Variants in NRF1 observed in about 807,000 individuals in gnomAD.
NRF1 encodes nuclear respiratory factor 1, also known as alpha palindromic-binding protein.
Under a neutral mutation model 58.5 loss-of-function variants are expected in NRF1, and 5 were observed. The ratio of observed to expected loss-of-function variants is 0.09; its 90% confidence interval spans 0.04 to 0.18. The LOEUF (loss-of-function observed/expected upper bound fraction) is 0.18, where lower values mean the gene tolerates loss of function less well. NRF1 is among the 10% of genes least tolerant of loss of function. The pLI is 1.00. For synonymous variants in NRF1, 224 were observed against 246.7 expected, an observed-to-expected ratio of 0.91 and a Z score of 0.86; for missense variants, 288 against 657.7, an observed-to-expected ratio of 0.44 and a Z score of 6.15.
At chr7:129,714,813 A>T (rs3800599) in intron 8 of NRF1, among the ~76,000 whole-genome samples, 1 of 152,050 alleles carries the variant, frequency 6.6e-6, no homozygotes, top group Non-Finnish European at 1.5e-5. Flanking sequence ...TAACTAAAGC[A>T]GGAAGCATTT....
At chr7:129,711,440 A>G in intron 7 of NRF1, 35 bp from the exon 8 acceptor site, 1 of 1,523,068 alleles carries the variant, frequency 6.6e-7, no homozygotes, top group Non-Finnish European at 9.0e-7. Flanking sequence ...GGATCCATCC[A>G]CTGACACTTA....
chr7:129,692,469 T>G (rs932793820), intron 5 of NRF1, among the ~76,000 whole-genome samples: 11 of 151,996 alleles, frequency 7.2e-5, no homozygotes, highest in Non-Finnish European at 1.3e-4. Flanking sequence ...GGGAGGATCG[T>G]TTGAGCCCCA....
At chr7:129,679,700 G>A (rs1257712080) in intron 4 of NRF1, among the ~76,000 whole-genome samples, 1 of 151,598 alleles carries the variant, frequency 6.6e-6, no homozygotes, top group African/African-American at 2.4e-5. Flanking sequence ...TCCAGCCTGG[G>A]CAACAGATCA....
intron 5 of NRF1, among the ~76,000 whole-genome samples, chr7:129,702,421 A>T (rs867767474): frequency 3.3e-4 from 51 of 152,242 alleles, no homozygotes; most frequent in Non-Finnish European, 4.1e-4. Flanking sequence ...TGTGGTTTCT[A>T]TGGGAATGTG....
chr7:129,688,271 T>G (rs111599129), intron 4 of NRF1, among the ~76,000 whole-genome samples: 4 of 152,172 alleles, frequency 2.6e-5, no homozygotes, highest in African/African-American at 9.6e-5. Flanking sequence ...GGACCACAGG[T>G]GCGCACTACC....
chr7:129,682,177 T>TG (rs748896863), intron 4 of NRF1, among the ~76,000 whole-genome samples: 6 of 148,766 alleles, frequency 4.0e-5, no homozygotes, highest in East Asian at 2.1e-4. Flanking sequence ...AAACCCACCA[T>TG]GGGGGGGCAT....
intron 2 of NRF1, among the ~76,000 whole-genome samples, chr7:129,659,328 C>A (rs1428599910): frequency 6.6e-6 from 1 of 152,186 alleles, no homozygotes; most frequent in Admixed American, 6.5e-5. Flanking sequence ...ATCCACCCAT[C>A]TCGGCCTCCC....
chr7:129,629,020 T>C lies in NRF1; in HGVS notation c.-7+17196T>C, dbSNP rs140976440. 7.9e-5 allele frequency among the ~76,000 whole-genome samples: 12 copies of C among 152,358 alleles called. No individual in the cohort carries two copies. In the East Asian group the frequency reaches 9.6e-4, roughly 12 times the overall value. ...TTTAAGTAATGGAAAACTATTAGAC[T>C]CACTGTAGCAGATACAAGTTTTCCG... On this transcript the variant is annotated intron_variant, in intron 1 of 10. Coordinates refer to ENST00000393232, the MANE Select transcript of NRF1 (RefSeq NM_005011.5).
chr7:129,629,583 C>T (rs1266893338), intron 1 of NRF1, among the ~76,000 whole-genome samples: 5 of 152,284 alleles, frequency 3.3e-5, no homozygotes, highest in South Asian at 4.1e-4. Context: ...CCCGCACACA[C>T]GCTTTTTGAG....
chr7:129,702,840 T>C (rs1562976104), intron 5 of NRF1, among the ~76,000 whole-genome samples: 1 of 152,168 alleles, frequency 6.6e-6, no homozygotes, highest in Non-Finnish European at 1.5e-5. Flanking sequence ...TATGTTGGTC[T>C]GAAAGACCTT....
At chr7:129,701,302 A>G (rs75300830) in intron 5 of NRF1, among the ~76,000 whole-genome samples, 4,842 of 152,200 alleles carry the variant, frequency 0.032, 242 homozygotes, top group African/African-American at 0.11. Flanking sequence ...CCAAAATAAG[A>G]AAACTTGATA....
intron 3 of NRF1, among the ~76,000 whole-genome samples, chr7:129,673,692 G>A (rs1264241311): frequency 6.9e-6 from 1 of 144,178 alleles, no homozygotes; most frequent in Admixed American, 6.9e-5. Flanking sequence ...ACTCCCGCCT[G>A]GGCGACAGAG....
chr7:129,663,262 G>A (rs10260496), intron 2 of NRF1, among the ~76,000 whole-genome samples: 28,991 of 152,086 alleles, frequency 0.19, 3,027 homozygotes, highest in East Asian at 0.47. Flanking sequence ...CTCGATGGTC[G>A]CTGTCTCTTC....
At chr7:129,619,472 G>A (rs1475345675) in intron 1 of NRF1, among the ~76,000 whole-genome samples, 2 of 25,880 alleles carry the variant, frequency 7.7e-5, no homozygotes, top group African/African-American at 1.7e-4. Flanking sequence ...GTGTGTGTGT[G>A]TGTGTGTGTG....
At position 129,619,461 on chromosome 7, in the gene NRF1, TGTG is replaced by T. The variant is rs1280905146; in HGVS notation, c.-7+7638_-7+7640del. On this transcript the variant is annotated intron_variant, in intron 1 of 10. Transcript: ENST00000393232. ...ACACACACACACATATATATACACG[TGTG>T]TGTGTGTGTGTGTGTGTGTGTGTGT... Among the ~76,000 whole-genome samples the T allele has an allele frequency of 4.3e-4, 13 of 30,178 alleles. 1 individual carries two copies. The highest frequency in any genetic ancestry group is 1.9e-3 in the African/African-American group (13 of 6,740). 19.8% of individuals were successfully genotyped at this position (30,178 alleles called of 152,430 possible). A position where few individuals can be genotyped will look rare whatever the true frequency, so the allele number is the denominator to read the frequency against.
At chr7:129,629,377 C>G (rs1443664005) in intron 1 of NRF1, among the ~76,000 whole-genome samples, 2 of 151,038 alleles carry the variant, frequency 1.3e-5, no homozygotes, top group African/African-American at 4.9e-5. Context: ...CTCCCGGGTT[C>G]AAGCGATTCT....
chr7:129,648,261 T>C (rs978820512), intron 1 of NRF1, among the ~76,000 whole-genome samples: 4 of 148,998 alleles, frequency 2.7e-5, no homozygotes, highest in African/African-American at 9.9e-5. Flanking sequence ...ATTTATCAAA[T>C]GGGCATTATT....
At chr7:129,732,542 G>T (rs957609150) in intron 10 of NRF1, among the ~76,000 whole-genome samples, 7 of 152,160 alleles carry the variant, frequency 4.6e-5, no homozygotes, top group Admixed American at 6.5e-5. Flanking sequence ...AAAAAAGAGA[G>T]GATGTAGCAT....
At chr7:129,729,798 C>T (rs893281396) in intron 10 of NRF1, among the ~76,000 whole-genome samples, 2 of 152,114 alleles carry the variant, frequency 1.3e-5, no homozygotes, top group African/African-American at 2.4e-5. Context: ...ATCATTCTTT[C>T]GGATTCTGTC....
Sources: allele counts gnomAD v4.1 joint callset (sites outside exome capture counted in the v4.1 genomes callset), GRCh38; gene constraint gnomAD v4.1.1; transcripts MANE v1.5; gene names NCBI Gene and HGNC (gene_info 2026-07-23, HGNC 2026-07-21).